The following PCDHGA11 variants were observed in gnomAD, a reference collection of about 807,000 sequenced individuals.
The protein encoded by PCDHGA11 is protocadherin gamma-A11.
PCDHGA11 carries 39 observed loss-of-function variants against 60.4 expected under a neutral mutation model. The ratio of observed to expected loss-of-function variants is 0.65; its 90% CI spans 0.50 to 0.84. PCDHGA11 has a LOEUF of 0.84. PCDHGA11 is among the 40% of genes least tolerant of loss of function. The probability of loss-of-function intolerance (pLI) is 0.00; values close to 1 mark genes in which losing one functional copy is unlikely to be tolerated. For synonymous variants in PCDHGA11, 533 were observed against 510.3 expected (o/e 1.04, Z -0.60); for missense variants, 1,165 against 1,197.7 (o/e 0.97, Z 0.40).
intron 1 of PCDHGA11, among the ~76,000 whole-genome samples, chr5:141,483,021 G>A (rs543104114): frequency 6.6e-6 from 1 of 152,126 alleles, no homozygotes; most frequent in East Asian, 1.9e-4. Context: ...GGAGGCAGAG[G>A]TTGCAATGAG....
chr5:141,446,759 G>A (rs983129633), intron 1 of PCDHGA11, among the ~76,000 whole-genome samples: 5 of 152,026 alleles, frequency 3.3e-5, no homozygotes, highest in Admixed American at 1.3e-4. Flanking sequence ...GAGCCACCGC[G>A]CCCAGCCGGT....
Position 141,421,715 on chromosome 5 carries a change from T to G in PCDHGA11, c.488T>G (p.Val163Gly), listed in dbSNP as rs756472123. ...CTTCCTAATGCTAGGGATCCAGATG[T>G]GGGCGTGAACTCCCTCCAGAGCTAC... ...FALPNARDPD[V>G]GVNSLQSYQL... Residue 163 changes from valine to glycine, a missense_variant, in exon 1 of 4, where the codon GTG (valine) becomes GGG (glycine). By Grantham distance (109) the Val-to-Gly change is moderately radical (BLOSUM62 -3). Coordinates refer to ENST00000398587, the MANE Select transcript of PCDHGA11 (RefSeq NM_018914.3). 1 of 1,613,960 alleles carries G rather than the reference T, an allele frequency of 6.2e-7. No individual in the cohort carries two copies. The highest frequency in any genetic ancestry group is 1.7e-5 in the Admixed American group (1 of 60,020).
chr5:141,432,873 T>A lies in PCDHGA11; in HGVS notation c.2433+9213T>A, dbSNP rs753576338. ...GTGGCCGCGGTCTCCTGCGTCTTCCTGGCCTTCGTCATCTTGCTGCTGGCG... is the reference window on the plus strand; with the variant it reads ...GTGGCCGCGGTCTCCTGCGTCTTCCAGGCCTTCGTCATCTTGCTGCTGGCG... On this transcript the variant is annotated intron_variant, in intron 1 of 3. Transcript: ENST00000398587. This position sits in a 1 kb window ranked among gnomAD's most constrained non-coding sequence, Gnocchi z 6.0. 1.4e-5 allele frequency: 22 copies of A among 1,614,204 alleles called. No individual in the cohort carries two copies. The highest frequency in any genetic ancestry group is 3.3e-4 in the Middle Eastern group (2 of 6,062).
chr5:141,457,111 G>A (rs922281700), intron 1 of PCDHGA11, among the ~76,000 whole-genome samples: 4 of 152,120 alleles, frequency 2.6e-5, no homozygotes, highest in South Asian at 2.1e-4. Flanking sequence ...AGCAAAATAC[G>A]ACAGCAATGG....
At chr5:141,441,340 C>T (rs2098240395) in intron 1 of PCDHGA11, 1 of 152,330 alleles carries the variant, frequency 6.6e-6, no homozygotes, top group Non-Finnish European at 1.5e-5. Flanking sequence ...CAATAATTAA[C>T]TACATGCTTG....
intron 1 of PCDHGA11, among the ~76,000 whole-genome samples, chr5:141,433,805 C>T (rs1325364387): frequency 1.3e-5 from 2 of 150,004 alleles, no homozygotes; most frequent in South Asian, 4.2e-4. Flanking sequence ...CCATTGCACT[C>T]CAGCCTGGGC....
intron 1 of PCDHGA11, among the ~76,000 whole-genome samples, chr5:141,455,419 G>T (rs1462099602): frequency 6.6e-6 from 1 of 152,124 alleles, no homozygotes; most frequent in Non-Finnish European, 1.5e-5. Flanking sequence ...AGGGAGCGGG[G>T]CTCCAAAAGA....
intron 1 of PCDHGA11, chr5:141,433,331 C>G: frequency 1.4e-6 from 1 of 699,624 alleles, no homozygotes; most frequent in South Asian, 1.9e-5. Context: ...GTAACAGGGA[C>G]TACAGGTGCA....
chr5:141,503,362 G>A (rs565902559), intron 2 of PCDHGA11, among the ~76,000 whole-genome samples: 32 of 152,054 alleles, frequency 2.1e-4, no homozygotes, highest in African/African-American at 6.5e-4. Context: ...TTTGGGAAGC[G>A]GAGGCAGGTG....
Position 141,489,802 on chromosome 5 carries a change from G to A in PCDHGA11, c.2434-5005G>A, listed in dbSNP as rs2099692541. On this transcript the variant is annotated intron_variant, in intron 1 of 3. Transcript: ENST00000398587. The surrounding 1 kb of genome is among the most constrained non-coding windows in gnomAD (Gnocchi z 4.5). ...TCTGAATGTGAAGACCCTAAAAGAT[G>A]GGAAGCCATTCCCAGAGCTGGTGCT... is the stretch of plus-strand genomic sequence containing the variant. 6.2e-7 allele frequency: 1 copy of A among 1,614,042 alleles called. No homozygotes were observed. The highest frequency in any genetic ancestry group is 1.1e-5 in the South Asian group (1 of 91,088).
In PCDHGA11 at chr5:141,421,979, G is replaced by A; in HGVS notation, c.752G>A (p.Ser251Asn). 1 of 1,609,702 alleles carries A rather than the reference G, an allele frequency of 6.2e-7. No homozygotes were observed. Among genetic ancestry groups the A allele is most frequent in the Non-Finnish European group, 8.5e-7 (1 of 1,177,970 alleles). Residue 251 changes from serine (S) to asparagine (N), a missense_variant, in exon 1 of 4, where the codon AGT becomes AAT. Transcript: ENST00000398587. ...PMFTQSVYRV[S>N]VPENISSGTR... is the part of the protein sequence containing the mutation. ...TTTACACAGTCCGTATATCGCGTGA[G>A]TGTTCCAGAAAACATCAGCTCCGGA...
intron 1 of PCDHGA11, among the ~76,000 whole-genome samples, chr5:141,463,314 A>G (rs1357327211): frequency 2.0e-5 from 3 of 151,098 alleles, no homozygotes; most frequent in Non-Finnish European, 2.9e-5. Context: ...TCTAATATCT[A>G]TTCCTCAACT....
At chr5:141,453,331 C>G (rs1224258701) in intron 1 of PCDHGA11, among the ~76,000 whole-genome samples, 1 of 151,962 alleles carries the variant, frequency 6.6e-6, no homozygotes, top group East Asian at 1.9e-4. Flanking sequence ...TGGGGTCTCA[C>G]TATGTTTCCC....
At chr5:141,479,619 T>C (rs1327758222) in intron 1 of PCDHGA11, 1 of 152,220 alleles carries the variant, frequency 6.6e-6, no homozygotes, top group Non-Finnish European at 1.5e-5. Flanking sequence ...AGGGAAACCA[T>C]GTCTCTTTAA....
intron 1 of PCDHGA11, chr5:141,430,959 T>A: frequency 6.2e-7 from 1 of 1,612,026 alleles, no homozygotes; most frequent in Non-Finnish European, 8.5e-7. Flanking sequence ...GTCCGCATCA[T>A]CCCCAGAGGT....
chr5:141,424,052 G>A, intron 1 of PCDHGA11: 1 of 1,012,010 alleles, frequency 9.9e-7, no homozygotes, highest in South Asian at 4.7e-5. Flanking sequence ...CAATTTTGCT[G>A]TGCCTTCACT....
Position 141,485,036 on chromosome 5 carries a change from C to A in PCDHGA11, c.2434-9771C>A. ...CGCCACCAGCAAAAACGGCGCGTAA[C>A]CCTTGCGGCGCCGGCCGAACCGCGC... On this transcript the variant is annotated intron_variant, in intron 1 of 3. Coordinates refer to ENST00000398587, the MANE Select transcript of PCDHGA11 (RefSeq NM_018914.3). The surrounding 1 kb of genome is among the most constrained non-coding windows in gnomAD (Gnocchi z 5.7). 1 of 698,458 alleles carries A rather than the reference C, an allele frequency of 1.4e-6. No individual in the cohort carries two copies. The highest frequency in any genetic ancestry group is 2.5e-6 in the Non-Finnish European group (1 of 399,316). The allele number at this position is 698,458 out of a possible 1,614,324, so 43.3% of individuals were successfully genotyped here. A position where few individuals can be genotyped will look rare whatever the true frequency, so the allele number is the denominator to read the frequency against.
Position 141,486,595 on chromosome 5 carries a change from T to G in PCDHGA11, c.2434-8212T>G. ...AGAACAATCGCCCAGGGGACCTGCTTTGCTCCCTTGCAGCCTCTGACCCAG... is the reference window on the plus strand; with the variant it reads ...AGAACAATCGCCCAGGGGACCTGCTGTGCTCCCTTGCAGCCTCTGACCCAG... On this transcript the variant is annotated intron_variant, in intron 1 of 3. Coordinates refer to ENST00000398587, the MANE Select transcript of PCDHGA11 (RefSeq NM_018914.3). This position sits in a 1 kb window ranked among gnomAD's most constrained non-coding sequence, Gnocchi z 5.0. The G allele has an allele frequency of 6.2e-7, 1 of 1,613,614 alleles. No homozygotes were observed. Among genetic ancestry groups the G allele is most frequent in the Non-Finnish European group, 8.5e-7 (1 of 1,180,016 alleles).
intron 1 of PCDHGA11, chr5:141,424,285 T>A (rs573116321): frequency 6.5e-6 from 1 of 152,894 alleles, no homozygotes; most frequent in South Asian, 2.1e-4. Context: ...CTTTGTCTCA[T>A]TTCTTCATCC....
Sources: allele counts gnomAD v4.1 joint callset (sites outside exome capture counted in the v4.1 genomes callset), GRCh38; gene constraint gnomAD v4.1.1; non-coding constraint Gnocchi (gnomAD v3.1); transcripts MANE v1.5; gene names NCBI Gene and HGNC (gene_info 2026-07-23, HGNC 2026-07-21).